Variants in FRMPD1 observed in about 807,000 individuals in gnomAD.
The protein encoded by FRMPD1 is FERM and PDZ domain-containing protein 1.
A neutral mutation model predicts 117.8 loss-of-function variants in FRMPD1; 76 were observed. The ratio of observed to expected loss-of-function variants is 0.65; its 90% confidence interval spans 0.54 to 0.78. The LOEUF (loss-of-function observed/expected upper bound fraction) is 0.78. FRMPD1 is among the 30% of genes least tolerant of loss of function. The pLI, the probability that FRMPD1 is intolerant of heterozygous loss-of-function variation, is 0.00. For synonymous variants in FRMPD1, 783 were observed against 770.4 expected, an observed-to-expected ratio of 1.02 and a Z score of -0.27; for missense variants, 1,786 against 1,964.5, an observed-to-expected ratio of 0.91 and a Z score of 1.72.
Position 37,745,754 on chromosome 9 carries a change from C to T in FRMPD1, c.3722C>T (p.Pro1241Leu), listed in dbSNP as rs1271492709. The T allele has an allele frequency of 3.1e-6, 5 of 1,614,062 alleles. No homozygotes were observed. The highest frequency in any genetic ancestry group is 3.3e-5 in the Admixed American group (2 of 60,008). The change falls in exon 16 of 16, where the codon CCT becomes CTT. Residue 1241 changes from proline (P) to leucine (L), a missense_variant. Transcript: ENST00000377765. ...PNHVTGQDIA[P>L]RDSPEWVCFN... ...CATGTGACAGGGCAAGATATAGCCC[C>T]TAGGGACAGCCCTGAGTGGGTCTGT...
intron 14 of FRMPD1, among the ~76,000 whole-genome samples, 198 bp from the exon 15 acceptor site, chr9:37,739,880 C>T (rs561056546): frequency 2.3e-4 from 35 of 152,210 alleles, no homozygotes; most frequent in African/African-American, 7.9e-4. Flanking sequence ...GTGGGACAGG[C>T]GGTCTGATAG....
chr9:37,666,350 C>T (rs1369622207), intron 1 of FRMPD1, among the ~76,000 whole-genome samples: 2 of 152,136 alleles, frequency 1.3e-5, no homozygotes, highest in Non-Finnish European at 2.9e-5. Context: ...TGTCCTTAGT[C>T]CCACACTTAA....
intron 5 of FRMPD1, among the ~76,000 whole-genome samples, chr9:37,717,339 A>ATGTGTGTGTGTG (rs1202375364): frequency 4.7e-5 from 4 of 84,464 alleles, no homozygotes; most frequent in African/African-American, 1.5e-4. Context: ...GTATGTGTAT[A>ATGTGTGTGTGTG]TATGTGTGTG....
At chr9:37,706,109 T>C (rs1250159965) in intron 2 of FRMPD1, among the ~76,000 whole-genome samples, 1 of 152,174 alleles carries the variant, frequency 6.6e-6, no homozygotes, top group Non-Finnish European at 1.5e-5. Context: ...AGCTCAGTAT[T>C]ACCTGCATGC....
chr9:37,608,768 T>A, the FRMPD1 span, among the ~76,000 whole-genome samples: 1 of 152,188 alleles, frequency 6.6e-6, no homozygotes, highest in Non-Finnish European at 1.5e-5. Context: ...TAAATTTCAA[T>A]AAGAATAATA....
chr9:37,708,430 T>C lies in FRMPD1; in HGVS notation c.291T>C (p.Gly97=). Residue 97 remains glycine, a synonymous_variant, in exon 4 of 16, where the codon GGT becomes GGC. Coordinates refer to ENST00000377765, the MANE Select transcript of FRMPD1 (RefSeq NM_014907.3). ...CTGCTCACGGCAAGCTTTTCCCTGG[T>C]GATCAGATCCTCCAAATGAACAATG... ...GGSAHGKLFP[G]DQILQMNNEP... 2 of 1,613,426 alleles carry C rather than the reference T, an allele frequency of 1.2e-6. No individual in the cohort carries two copies. The highest frequency in any genetic ancestry group is 2.2e-5 in the South Asian group (2 of 91,052).
chr9:37,678,989 G>T (rs1386445499), intron 1 of FRMPD1, among the ~76,000 whole-genome samples: 1 of 152,226 alleles, frequency 6.6e-6, no homozygotes, highest in Non-Finnish European at 1.5e-5. Context: ...GCATGGAGAA[G>T]CCTCTAATCT....
upstream of FRMPD1, among the ~76,000 whole-genome samples, chr9:37,647,469 G>A (rs1345142213): frequency 6.8e-6 from 1 of 146,022 alleles, no homozygotes; most frequent in African/African-American, 2.6e-5. Flanking sequence ...CCGAGATCGC[G>A]CCACTGCACT....
At chr9:37,617,198 C>T in the FRMPD1 span, among the ~76,000 whole-genome samples, 1 of 150,646 alleles carries the variant, frequency 6.6e-6, no homozygotes, top group Non-Finnish European at 1.5e-5. Context: ...GTCTGTTTGG[C>T]TGCAGAACTA....
chr9:37,738,602 G>A (rs1399092166), intron 14 of FRMPD1, among the ~76,000 whole-genome samples: 1 of 152,136 alleles, frequency 6.6e-6, no homozygotes, highest in Non-Finnish European at 1.5e-5. Context: ...GCCTCCCAAA[G>A]TGCTGAGATT....
chr9:37,614,528 G>A, the FRMPD1 span, among the ~76,000 whole-genome samples: 1 of 152,212 alleles, frequency 6.6e-6, no homozygotes, highest in East Asian at 1.9e-4. Context: ...CCAGGGAAAG[G>A]CCAGCTGAAA....
chr9:37,618,887 G>A, the FRMPD1 span, among the ~76,000 whole-genome samples: 255 of 152,284 alleles, frequency 1.7e-3, no homozygotes, highest in Non-Finnish European at 3.0e-3. Flanking sequence ...AGTGGGAGGA[G>A]GCAAATCTGT....
chr9:37,664,934 C>T (rs947881359), intron 1 of FRMPD1, among the ~76,000 whole-genome samples: 1 of 152,164 alleles, frequency 6.6e-6, no homozygotes, highest in Non-Finnish European at 1.5e-5. Flanking sequence ...GTCTTTCACC[C>T]AGCAGTGCCA....
intron 2 of FRMPD1, among the ~76,000 whole-genome samples, chr9:37,692,952 G>C (rs1245848949): frequency 1.3e-5 from 2 of 151,930 alleles, no homozygotes; most frequent in Non-Finnish European, 2.9e-5. Flanking sequence ...CACACACACA[G>C]AGACACCCCA....
At chr9:37,604,350 C>T in the FRMPD1 span, among the ~76,000 whole-genome samples, 1 of 152,070 alleles carries the variant, frequency 6.6e-6, no homozygotes, top group Non-Finnish European at 1.5e-5. Flanking sequence ...GATCTAGTAC[C>T]TGGTAGAGAA....
intron 15 of FRMPD1, among the ~76,000 whole-genome samples, chr9:37,741,653 G>C (rs1299061004): frequency 1.3e-5 from 2 of 152,152 alleles, no homozygotes; most frequent in African/African-American, 4.8e-5. Context: ...GTTCTGGAGA[G>C]AAAGGCCAGC....
At chr9:37,707,621 A>C in intron 3 of FRMPD1, 48 bp downstream of exon 3, 1 of 1,448,582 alleles carries the variant, frequency 6.9e-7, no homozygotes, top group East Asian at 2.3e-5. Flanking sequence ...TCTTAAGGGG[A>C]AATAGCCCCA....
intron 13 of FRMPD1, among the ~76,000 whole-genome samples, chr9:37,735,951 G>T (rs999754730): frequency 6.6e-6 from 1 of 152,148 alleles, no homozygotes; most frequent in East Asian, 1.9e-4. Flanking sequence ...AACTGAGATG[G>T]ACCATGTGCT....
chr9:37,631,827 T>C, the FRMPD1 span, among the ~76,000 whole-genome samples: 1 of 152,140 alleles, frequency 6.6e-6, no homozygotes, highest in Non-Finnish European at 1.5e-5. Flanking sequence ...TGGTCTCAAA[T>C]TCCTGGCCTC....
Sources: allele counts gnomAD v4.1 joint callset (sites outside exome capture counted in the v4.1 genomes callset), GRCh38; gene constraint gnomAD v4.1.1; transcripts MANE v1.5; gene names NCBI Gene and HGNC (gene_info 2026-07-23, HGNC 2026-07-21).